RARB: variants seen among roughly 807,000 people sequenced by gnomAD.
The protein encoded by RARB is HBV-activated protein.
Under a neutral mutation model 51.9 loss-of-function variants are expected in RARB, and 17 were observed. The ratio of observed to expected loss-of-function variants is 0.33; its 90% CI spans 0.22 to 0.49. The LOEUF (loss-of-function observed/expected upper bound fraction) is 0.49, where lower values mean the gene tolerates loss of function less well. RARB is among the 20% of genes least tolerant of loss of function. The pLI is 0.99. For synonymous variants in RARB, 215 were observed against 195.4 expected (o/e 1.10, Z -0.84); for missense variants, 369 against 550.8 (o/e 0.67, Z 3.30).
At chr3:25,537,229 C>T (rs551205503) in intron 3 of RARB, among the ~76,000 whole-genome samples, 3 of 152,150 alleles carry the variant, frequency 2.0e-5, no homozygotes, top group African/African-American at 4.8e-5. Flanking sequence ...GACAGGAAAG[C>T]GGCTGACAAC....
At chr3:25,138,681 T>G (rs1225792253) in intron 4 of RARB, among the ~76,000 whole-genome samples, 1 of 152,158 alleles carries the variant, frequency 6.6e-6, no homozygotes, top group Non-Finnish European at 1.5e-5. Flanking sequence ...CTAATGTATC[T>G]GCATGGACAA....
intron 2 of RARB, among the ~76,000 whole-genome samples, chr3:24,985,587 C>T (rs1401178572): frequency 6.6e-6 from 1 of 152,226 alleles, no homozygotes; most frequent in Middle Eastern, 3.4e-3. Flanking sequence ...ATGTCAAGAA[C>T]CCTTTGGTTT....
intron 5 of RARB, among the ~76,000 whole-genome samples, chr3:25,339,441 G>T (rs529059507): frequency 6.6e-6 from 1 of 152,116 alleles, no homozygotes; most frequent in East Asian, 1.9e-4. Flanking sequence ...TTTTCGGAAC[G>T]TCACTTTCCT....
At chr3:25,416,389 A>G (rs544038712) in intron 5 of RARB, among the ~76,000 whole-genome samples, 10 of 152,332 alleles carry the variant, frequency 6.6e-5, no homozygotes, top group Non-Finnish European at 1.0e-4. Context: ...ACTTTGTCTC[A>G]TAAGCAAGCA....
At chr3:25,326,771 A>G (rs890657181) in intron 5 of RARB, among the ~76,000 whole-genome samples, 1 of 152,182 alleles carries the variant, frequency 6.6e-6, no homozygotes, top group African/African-American at 2.4e-5. Flanking sequence ...TTTAATAGGT[A>G]GGCTGGATGA....
At chr3:25,478,820 A>G (rs1311028853) in intron 2 of RARB, among the ~76,000 whole-genome samples, 1 of 152,170 alleles carries the variant, frequency 6.6e-6, no homozygotes, top group Non-Finnish European at 1.5e-5. Flanking sequence ...AGATCATATC[A>G]CTATTCTCAT....
At chr3:25,170,547 A>G (rs997909399) in intron 4 of RARB, among the ~76,000 whole-genome samples, 8 of 152,178 alleles carry the variant, frequency 5.3e-5, no homozygotes, top group African/African-American at 1.9e-4. Flanking sequence ...TAAAGAAACT[A>G]TTTGACTTTT....
chr3:25,090,798 A>G (rs1391678705), intron 3 of RARB, among the ~76,000 whole-genome samples: 1 of 152,174 alleles, frequency 6.6e-6, no homozygotes, highest in Non-Finnish European at 1.5e-5. Context: ...TACACTTAGA[A>G]TGAATAATTG....
At chr3:25,260,449 T>A (rs1702970579) in intron 5 of RARB, among the ~76,000 whole-genome samples, 1 of 152,054 alleles carries the variant, frequency 6.6e-6, no homozygotes, top group South Asian at 2.1e-4. Flanking sequence ...TCCTTATTAG[T>A]GAGAGAAGAC....
At chr3:25,052,898 A>G (rs1698366116) in intron 2 of RARB, among the ~76,000 whole-genome samples, 1 of 152,094 alleles carries the variant, frequency 6.6e-6, no homozygotes. Context: ...AAAAAAAAAA[A>G]AGATTCTAGA....
chr3:25,053,208 A>G (rs1054632198), intron 2 of RARB, among the ~76,000 whole-genome samples: 8 of 152,156 alleles, frequency 5.3e-5, no homozygotes, highest in South Asian at 2.1e-4. Flanking sequence ...GTGGCTTATG[A>G]CAAGGTTTGA....
rs370797437 is a variant in RARB, at chr3:25,271,012, A to G, written c.178+96437A>G. On this transcript the variant is annotated intron_variant, in intron 5 of 11. Transcript: ENST00000383772. ...CCTTGACCAGATCTTCTTTTATTCCATAAGTACATCACTCATTCCAGCTTC... is the reference window on the plus strand; with the variant it reads ...CCTTGACCAGATCTTCTTTTATTCCGTAAGTACATCACTCATTCCAGCTTC... Among the ~76,000 whole-genome samples, 7 of 151,974 alleles carry G rather than the reference A, an allele frequency of 4.6e-5. No individual in the cohort carries two copies. In the South Asian group the frequency reaches 6.2e-4, roughly 14 times the overall value.
At chr3:25,406,195 C>G (rs1209546447) in intron 5 of RARB, among the ~76,000 whole-genome samples, 1 of 152,198 alleles carries the variant, frequency 6.6e-6, no homozygotes, top group Non-Finnish European at 1.5e-5. Context: ...TACATACCCA[C>G]CTTTTGGATA....
At chr3:25,277,011 T>C (rs1433770750) in intron 5 of RARB, among the ~76,000 whole-genome samples, 2 of 152,148 alleles carry the variant, frequency 1.3e-5, no homozygotes, top group African/African-American at 2.4e-5. Flanking sequence ...GATGAATGAA[T>C]ACTTGGATGA....
chr3:24,887,887 T>C (rs1256867041), intron 2 of RARB, among the ~76,000 whole-genome samples: 1 of 152,148 alleles, frequency 6.6e-6, no homozygotes, highest in Non-Finnish European at 1.5e-5. Context: ...GCTGATGGCC[T>C]TGAGGGAGAG....
intron 3 of RARB, among the ~76,000 whole-genome samples, chr3:25,527,770 C>G (rs1698717498): frequency 6.6e-6 from 1 of 152,124 alleles, no homozygotes; most frequent in South Asian, 2.1e-4. Flanking sequence ...TCCTGAGTGA[C>G]TAAAACTGTA....
intron 5 of RARB, among the ~76,000 whole-genome samples, chr3:25,379,531 C>T (rs780509342): frequency 2.0e-5 from 3 of 152,138 alleles, no homozygotes; most frequent in Admixed American, 6.5e-5. Context: ...ATGGTTATAA[C>T]GTGCTATGCA....
Position 25,127,552 on chromosome 3 carries a change from C to T in RARB, c.-327-4609C>T, listed in dbSNP as rs143721488. Among the ~76,000 whole-genome samples the T allele has an allele frequency of 4.6e-5, 7 of 152,172 alleles. No homozygotes were observed. The South Asian group carries it at 8.3e-4, about 18-fold the overall frequency. ...AAGTACCATTTTTTGCATCTGTTTA[C>T]GTGTTCATTTTCTGGCTTCCCACTA... On this transcript the variant is annotated intron_variant, in intron 3 of 11. Coordinates refer to the RARB transcript ENST00000383772.
At chr3:25,327,072 AAGTG>A (rs1332138265) in intron 5 of RARB, among the ~76,000 whole-genome samples, 4 of 152,040 alleles carry the variant, frequency 2.6e-5, no homozygotes, top group Non-Finnish European at 4.4e-5. Flanking sequence ...TCCCACCTAT[AAGTG>A]AGAACATGCG....
Sources: allele counts gnomAD v4.1 joint callset (sites outside exome capture counted in the v4.1 genomes callset), GRCh38; gene constraint gnomAD v4.1.1; transcripts MANE v1.5; gene names NCBI Gene and HGNC (gene_info 2026-07-23, HGNC 2026-07-21).